The following ACADVL variants were observed in gnomAD, a reference collection of about 807,000 sequenced individuals.
ACADVL encodes very long-chain acyl-CoA dehydrogenase, mitochondrial.
ACADVL carries 73 observed loss-of-function variants against 80.4 expected under a neutral mutation model. That is an observed-to-expected ratio of 0.91 (90% confidence interval 0.75 to 1.10). The LOEUF (loss-of-function observed/expected upper bound fraction) is 1.10, where lower values mean the gene tolerates loss of function less well. ACADVL is among the 50% of genes least tolerant of loss of function. The pLI, the probability that ACADVL is intolerant of heterozygous loss-of-function variation, is 0.00. For synonymous variants in ACADVL, 392 were observed against 326.5 expected, an observed-to-expected ratio of 1.20 and a Z score of -2.16; for missense variants, 878 against 858.9, an observed-to-expected ratio of 1.02 and a Z score of -0.28.
chr17:7,221,214 A>G (rs188520133), intron 6 of ACADVL, 156 bp downstream of exon 6: 10 of 1,288,828 alleles, frequency 7.8e-6, no homozygotes, highest in African/African-American at 1.5e-5. Context: ...ACATAACACA[A>G]TTTACATGCA....
chr17:7,220,936 CCCG>C lies in ACADVL; in HGVS notation c.358_360del (p.Ala120del), dbSNP rs761449573. The C allele has an allele frequency of 6.2e-7, 1 of 1,614,098 alleles. No homozygotes were observed. Among genetic ancestry groups the C allele is most frequent in the Non-Finnish European group, 8.5e-7 (1 of 1,180,046 alleles). ...GTGCCTTCCCCAGGAAGTGAACGATCCCGCCAAGAATGACGCTCTGGAGATGGT... is the reference window on the plus strand; with the variant it reads ...GTGCCTTCCCCAGGAAGTGAACGATCCCAAGAATGACGCTCTGGAGATGGT... On this transcript the variant is annotated inframe_deletion, in exon 6 of 20. Coordinates refer to ENST00000356839, the MANE Select transcript of ACADVL (RefSeq NM_000018.4).
upstream of ACADVL, chr17:7,218,895 G>A (rs751784585): frequency 7.5e-6 from 12 of 1,604,980 alleles, no homozygotes; most frequent in South Asian, 9.9e-5. Flanking sequence ...CAGGATTGGA[G>A]TTGAGCTGCT....
chr17:7,224,836 C>G lies in ACADVL; in HGVS notation c.1779C>G (p.His593Gln), dbSNP rs777702890. ...SRASRSLSEG[H>Q]PTAQHEKMLC... is the part of the protein sequence containing the mutation. ...CCTCAAGATCCCTGAGTGAGGGCCA[C>G]CCCACGGCCCAGCATGAGAAAATGC... Residue 593 changes from histidine (H) to glutamine (Q), a missense_variant, in exon 19 of 20, where the codon CAC (histidine) becomes CAG (glutamine). Transcript: ENST00000356839. The G allele has an allele frequency of 3.1e-6, 5 of 1,613,962 alleles. No homozygotes were observed. In the African/African-American group the frequency reaches 4.0e-5, roughly 13 times the overall value.
At chr17:7,221,215 T>C in intron 6 of ACADVL, 157 bp downstream of exon 6, 2 of 1,290,426 alleles carry the variant, frequency 1.5e-6, no homozygotes, top group Non-Finnish European at 1.1e-6. Context: ...CATAACACAA[T>C]TTACATGCAG....
rs1249758897 is a variant in ACADVL, at chr17:7,225,241, AAAT to A, written c.*150_*152del. The A allele has an allele frequency of 6.4e-6, 7 of 1,102,234 alleles. No homozygotes were observed. Among genetic ancestry groups the A allele is most frequent in the East Asian group, 2.5e-5 (1 of 39,890 alleles). The allele number at this position is 1,102,234 out of a possible 1,614,324, so 68.3% of individuals were successfully genotyped here. On this transcript the variant is annotated 3_prime_UTR_variant, in exon 20 of 20. Transcript: ENST00000356839. The stretch of plus-strand genomic sequence containing the variant: ...CTCTCAAGAGCACTTACTGCCTCGC[AAAT>A]AATAAAAATTTCTAGCCAGTCATGC...
chr17:7,224,479 G>GGCAGTACGGGCTCTGGA lies in ACADVL; in HGVS notation c.1611_1627dup (p.Phe543TyrfsTer15). On this transcript the variant is annotated frameshift_variant and splice_region_variant. Transcript: ENST00000356839. LOFTEE classifies it high-confidence loss of function. Reference sequence around the variant, plus strand: ...GCCCCGCACTGTCCCCATCTCTTAAGGCAGTACGGGCTCTGGAGCAGTTTG... The same window carrying GGCAGTACGGGCTCTGGA: ...GCCCCGCACTGTCCCCATCTCTTAAGGCAGTACGGGCTCTGGAGCAGTACGGGCTCTGGAGCAGTTTG... The GGCAGTACGGGCTCTGGA allele has an allele frequency of 6.2e-7, 1 of 1,613,768 alleles. No individual in the cohort carries two copies. Among genetic ancestry groups the GGCAGTACGGGCTCTGGA allele is most frequent in the African/African-American group, 1.3e-5 (1 of 74,910 alleles).
rs2071250180 is a variant in ACADVL, at chr17:7,221,939, C to T, written c.623-13C>T. The T allele has an allele frequency of 6.2e-7, 1 of 1,614,008 alleles. No individual in the cohort carries two copies. The highest frequency in any genetic ancestry group is 8.5e-7 in the Non-Finnish European group (1 of 1,180,002). ...CATCAGAACTTGGGGTAAAGTAGCT[C>T]TCTCCCCAACAGGGGAGACTGTGGC... is the stretch of plus-strand genomic sequence containing the variant. On this transcript the variant is annotated splice_polypyrimidine_tract_variant and intron_variant, in intron 7 of 19. Coordinates refer to ENST00000356839, the MANE Select transcript of ACADVL (RefSeq NM_000018.4).
At position 7,223,859 on chromosome 17, in the gene ACADVL, G is replaced by A. The variant is rs533055438; in HGVS notation, c.1316G>A (p.Gly439Asp). 60 of 1,614,086 alleles carry A rather than the reference G, an allele frequency of 3.7e-5. No homozygotes were observed. Among genetic ancestry groups the A allele is most frequent in the Non-Finnish European group, 4.8e-5 (57 of 1,180,030 alleles). The change falls in exon 13 of 20, where the codon GGT (glycine) becomes GAT (aspartate). Residue 439 changes from glycine to aspartate, a missense_variant. By Grantham distance (94) the Gly-to-Asp change is moderately conservative (BLOSUM62 -1). Transcript: ENST00000356839. ...VTDECIQIMG[G>D]MGFMKEPGVE... ...GATGAATGCATCCAAATCATGGGGG[G>A]TATGGGCTTCATGAAGGTACAGGAC... is the stretch of plus-strand genomic sequence containing the variant.
chr17:7,220,513 A>G lies in ACADVL; in HGVS notation c.188A>G (p.Lys63Arg), dbSNP rs1228825102. 4 of 1,614,088 alleles carry G rather than the reference A, an allele frequency of 2.5e-6. No homozygotes were observed. Among genetic ancestry groups the G allele is most frequent in the Admixed American group, 1.7e-5 (1 of 60,010 alleles). The change falls in exon 3 of 20, where the codon AAA (lysine) becomes AGA (arginine). Residue 63 changes from lysine (K) to arginine (R), a missense_variant. Lys to Arg is a conservative substitution (Grantham distance 26, BLOSUM62 2). Coordinates refer to ENST00000356839, the MANE Select transcript of ACADVL (RefSeq NM_000018.4). ...CACCCCTCTGACGCTCTGACCAGGA[A>G]AAAACCGGCCAAGGCGGTAGGTAGC... ...DSHPSDALTR[K>R]KPAKAESKSF...
At chr17:7,223,097 A>C in intron 10 of ACADVL, 36 bp from the exon 11 acceptor site, 8 of 1,582,986 alleles carry the variant, frequency 5.1e-6, no homozygotes, top group Non-Finnish European at 6.9e-6. Flanking sequence ...GCAGAACCAC[A>C]CTGAACCACA....
intron 2 of ACADVL, 48 bp from the exon 3 acceptor site, chr17:7,220,414 GAC>G: frequency 6.2e-7 from 1 of 1,611,758 alleles, no homozygotes; most frequent in Non-Finnish European, 8.5e-7. Context: ...TTCTCCCCTT[GAC>G]ACAGCGGAAG....
At chr17:7,218,140 G>T, upstream of ACADVL, 2 of 1,125,742 alleles carry the variant, frequency 1.8e-6, no homozygotes, top group Non-Finnish European at 2.6e-6. Flanking sequence ...GCTTTTGTCA[G>T]CAGGGCCCCC....
chr17:7,220,143 G>T lies in ACADVL; in HGVS notation c.84G>T (p.Leu28=). 4 of 1,554,000 alleles carry T rather than the reference G, an allele frequency of 2.6e-6. No individual in the cohort carries two copies. Among genetic ancestry groups the T allele is most frequent in the Non-Finnish European group, 3.5e-6 (4 of 1,156,972 alleles). The part of the protein sequence containing the change: ...GGGSSRLTAL[L]GQPRPGPARR... Reference sequence around the variant, plus strand: ...ACAGCTCGCGGCTCACGGCGCTCCTGGGGCAGCCCCGGCCCGGCCCTGCCC... The same window carrying T: ...ACAGCTCGCGGCTCACGGCGCTCCTTGGGCAGCCCCGGCCCGGCCCTGCCC... The change falls in exon 2 of 20, where the codon CTG becomes CTT. Residue 28 remains leucine (L), a synonymous_variant. Transcript: ENST00000356839.
chr17:7,225,195 G>C lies in ACADVL; in HGVS notation c.*98G>C. 2 of 1,546,914 alleles carry C rather than the reference G, an allele frequency of 1.3e-6. No homozygotes were observed. Among genetic ancestry groups the C allele is most frequent in the South Asian group, 1.1e-5 (1 of 89,364 alleles). ...CCCTGGTTTGTCCCGAAGGGGCCTA[G>C]TGTTCCCAGCACTGTGCCTGCTCTC... On this transcript the variant is annotated 3_prime_UTR_variant, in exon 20 of 20. Coordinates refer to ENST00000356839, the MANE Select transcript of ACADVL (RefSeq NM_000018.4).
At position 7,220,846 on chromosome 17, in the gene ACADVL, G is replaced by C. The variant is rs536497611; in HGVS notation, c.342+16G>C. ...TTTCTTCGAGGTAAGGAATGACTCG[G>C]GGCTTGGTCCCTGGTGAGGTGTTTG... On this transcript the variant is annotated intron_variant, in intron 5 of 19. Transcript: ENST00000356839. 1.9e-6 allele frequency: 3 copies of C among 1,614,096 alleles called. No homozygotes were observed. In the African/African-American group the frequency reaches 4.0e-5, roughly 22 times the overall value.
At chr17:7,220,381 CCT>C in intron 2 of ACADVL, 81 bp from the exon 3 acceptor site, 1 of 1,597,360 alleles carries the variant, frequency 6.3e-7, no homozygotes. Flanking sequence ...CTTCGCGCCG[CCT>C]CCCCGCGCGG....
At chr17:7,219,912 G>T (rs895489463), upstream of ACADVL, 3 of 692,504 alleles carry the variant, frequency 4.3e-6, no homozygotes, top group Non-Finnish European at 4.2e-6. Flanking sequence ...GGTTAGGGGC[G>T]CCAGGACGTG....
At chr17:7,219,765 T>C, upstream of ACADVL, 3 of 1,468,626 alleles carry the variant, frequency 2.0e-6, no homozygotes, top group Non-Finnish European at 2.7e-6. Flanking sequence ...ATTAAGGAGT[T>C]TGGGGGAGAC....
At position 7,225,196 on chromosome 17, in the gene ACADVL, T is replaced by C. The variant is rs1172385050; in HGVS notation, c.*99T>C. 6 of 1,540,354 alleles carry C rather than the reference T, an allele frequency of 3.9e-6. No homozygotes were observed. The highest frequency in any genetic ancestry group is 2.7e-5 in the African/African-American group (2 of 73,582). Reference sequence around the variant, plus strand: ...CCTGGTTTGTCCCGAAGGGGCCTAGTGTTCCCAGCACTGTGCCTGCTCTCA... The same window carrying C: ...CCTGGTTTGTCCCGAAGGGGCCTAGCGTTCCCAGCACTGTGCCTGCTCTCA... On this transcript the variant is annotated 3_prime_UTR_variant, in exon 20 of 20. Coordinates refer to ENST00000356839, the MANE Select transcript of ACADVL (RefSeq NM_000018.4).
Sources: allele counts gnomAD v4.1 joint callset, GRCh38; gene constraint gnomAD v4.1.1; transcripts MANE v1.5; gene names NCBI Gene and HGNC (gene_info 2026-07-23, HGNC 2026-07-21).